Variants in RNF213 observed in about 807,000 individuals in gnomAD.
RNF213 encodes E3 ubiquitin-protein ligase RNF213.
A neutral mutation model predicts 514.4 loss-of-function variants in RNF213; 341 were observed. The ratio of observed to expected loss-of-function variants is 0.66; its 90% CI spans 0.61 to 0.73. RNF213 has a LOEUF of 0.73. Ranked by LOEUF, RNF213 falls within the 30% of genes least tolerant of loss-of-function variation. The pLI is 0.00. For missense variants in RNF213, 5,767 were observed against 6,615.6 expected (o/e 0.87, Z 4.45); for synonymous variants, 2,655 against 2,658.2 (o/e 1.00, Z 0.04).
In RNF213 at chr17:80,389,427, G is replaced by A. The variant is rs567569231; in HGVS notation, c.15195+60G>A. On this transcript the variant is annotated intron_variant, in intron 65 of 67. Transcript: ENST00000582970. ...CCCTCACCCTGGTCTCCTGCTTCCC[G>A]CGAGGGATAGGAGCATTCAGGGAGT... is the stretch of plus-strand genomic sequence containing the variant. 531 of 1,483,284 alleles carry A rather than the reference G, an allele frequency of 3.6e-4. 9 individuals are homozygous for A. The South Asian group carries it at 5.5e-3, about 15-fold the overall frequency. The allele number at this position is 1,483,284 out of a possible 1,614,324, so 91.9% of individuals were successfully genotyped here. A position where few individuals can be genotyped will look rare whatever the true frequency, so the allele number is the denominator to read the frequency against.
At chr17:80,365,677 GTTC>G (rs971432835) in intron 42 of RNF213, among the ~76,000 whole-genome samples, 3 of 152,322 alleles carry the variant, frequency 2.0e-5, no homozygotes, top group African/African-American at 4.8e-5. Context: ...TGGAACTTGA[GTTC>G]TTCTGCTGAA....
In RNF213 at chr17:80,348,031, G is replaced by A; in HGVS notation, c.9696G>A (p.Gln3232=). The change falls in exon 29 of 68, where the codon CAG becomes CAA. Residue 3232 remains glutamine, a synonymous_variant. Transcript: ENST00000582970. The part of the protein sequence containing the change: ...HSDACASVVL[Q]VIERQGPRAL... The stretch of plus-strand genomic sequence containing the variant: ...ACGCCTGCGCGTCTGTGGTGCTGCA[G>A]GTCATAGAGAGGCAGGGTCCCCGGG... 3 of 1,614,222 alleles carry A rather than the reference G, an allele frequency of 1.9e-6. No individual in the cohort carries two copies. The highest frequency in any genetic ancestry group is 2.5e-6 in the Non-Finnish European group (3 of 1,180,048).
rs1209889617 is a variant in RNF213 at position 80,393,576 on chromosome 17, T to C, written c.*78T>C. ...CTCGTCTGCGGCGTGGACTTGATCATGGACTGGTGCCTTTGCATTCAGAAG... is the reference window on the plus strand; with the variant it reads ...CTCGTCTGCGGCGTGGACTTGATCACGGACTGGTGCCTTTGCATTCAGAAG... On this transcript the variant is annotated 3_prime_UTR_variant, in exon 68 of 68. Coordinates refer to ENST00000582970, the MANE Select transcript of RNF213 (RefSeq NM_001256071.3). 4.7e-6 allele frequency: 7 copies of C among 1,487,690 alleles called. No homozygotes were observed. The highest frequency in any genetic ancestry group is 6.5e-6 in the Non-Finnish European group (7 of 1,075,148). 92.2% of individuals were successfully genotyped at this position (1,487,690 alleles called of 1,614,324 possible).
chr17:80,307,214 C>T lies in RNF213; in HGVS notation c.2501+13C>T, dbSNP rs1214679394. ...CTTACCGGGACAAGTAAGTGGAAAG[C>T]ACGATGCAGTCTCTCCCTCACATGC... On this transcript the variant is annotated intron_variant, in intron 13 of 67. Transcript: ENST00000582970. The T allele has an allele frequency of 6.2e-7, 1 of 1,613,352 alleles. No homozygotes were observed. Among genetic ancestry groups the T allele is most frequent in the South Asian group, 1.1e-5 (1 of 91,054 alleles).
At chr17:80,301,977 G>A (rs1358489453) in intron 11 of RNF213, among the ~76,000 whole-genome samples, 2 of 152,176 alleles carry the variant, frequency 1.3e-5, no homozygotes, top group Non-Finnish European at 2.9e-5. Flanking sequence ...TCTGTCTTTC[G>A]CAGCAACATG....
chr17:80,378,884 A>G (rs2079868339), intron 54 of RNF213, among the ~76,000 whole-genome samples: 1 of 152,202 alleles, frequency 6.6e-6, no homozygotes, highest in Non-Finnish European at 1.5e-5. Flanking sequence ...TTTAAATAAA[A>G]AAGTCCAAGC....
chr17:80,305,473 C>T (rs573040638), intron 11 of RNF213, among the ~76,000 whole-genome samples: 5 of 151,980 alleles, frequency 3.3e-5, no homozygotes, highest in South Asian at 2.1e-4. Context: ...CCACTGCGCC[C>T]GGCCTGATTT....
At chr17:80,358,214 A>G (rs1483964071) in intron 36 of RNF213, 74 bp from the exon 37 acceptor site, 64 of 1,346,588 alleles carry the variant, frequency 4.8e-5, no homozygotes, top group Non-Finnish European at 6.5e-5. Context: ...AGAAGGAACA[A>G]AATGTCAAAA....
chr17:80,269,773 T>G (rs2043757676), intron 2 of RNF213, among the ~76,000 whole-genome samples: 1 of 152,270 alleles, frequency 6.6e-6, no homozygotes. Flanking sequence ...CGTCCATCCA[T>G]CCATGTATCT....
intron 14 of RNF213, among the ~76,000 whole-genome samples, chr17:80,310,757 G>A (rs1442982371): frequency 1.3e-5 from 2 of 152,024 alleles, no homozygotes; most frequent in African/African-American, 4.8e-5. Flanking sequence ...TCTACATGTT[G>A]GTCAGGCTGG....
chr17:80,308,986 G>C (rs748858146), intron 13 of RNF213, 32 bp from the exon 14 acceptor site: 2 of 1,613,006 alleles, frequency 1.2e-6, no homozygotes, highest in South Asian at 1.1e-5. Flanking sequence ...CTAAATCCTT[G>C]CCGGGATTTC....
chr17:80,384,729 C>T (rs141041163), intron 59 of RNF213: 130 of 414,944 alleles, frequency 3.1e-4, no homozygotes, highest in African/African-American at 2.3e-3. Flanking sequence ...AGCTTCTCTC[C>T]GTACCCAGCC....
chr17:80,377,740 G>A lies in RNF213; in HGVS notation c.13511-22G>A, dbSNP rs1385581720. The A allele has an allele frequency of 6.2e-7, 1 of 1,613,988 alleles. No homozygotes were observed. The highest frequency in any genetic ancestry group is 1.3e-5 in the African/African-American group (1 of 74,918). ...ATTGGGTGAAACCTCATTAGCCAAT[G>A]TGTGTCCTGTTCTCTTCACAGCTTG... On this transcript the variant is annotated intron_variant, in intron 53 of 67. Transcript: ENST00000582970. The surrounding 1 kb of genome is among the most constrained non-coding windows in gnomAD (Gnocchi z 4.1).
chr17:80,351,546 G>C (rs529778499), intron 31 of RNF213, 139 bp from the exon 32 acceptor site: 3 of 615,522 alleles, frequency 4.9e-6, no homozygotes, highest in South Asian at 3.8e-5. Context: ...AAAACTCATC[G>C]GAACGGGTGG....
chr17:80,263,841 C>A lies in RNF213; in HGVS notation c.97+63C>A. Reference sequence around the variant, plus strand: ...GGGACCCCTGGAGATGTCTCACCTCCCTTCCAGGAAATGGAAACCCTGGGC... The same window carrying A: ...GGGACCCCTGGAGATGTCTCACCTCACTTCCAGGAAATGGAAACCCTGGGC... On this transcript the variant is annotated intron_variant, in intron 2 of 67. Transcript: ENST00000582970. This position sits in a 1 kb window ranked among gnomAD's most constrained non-coding sequence, Gnocchi z 4.9. 1 of 1,412,068 alleles carries A rather than the reference C, an allele frequency of 7.1e-7. No homozygotes were observed. Among genetic ancestry groups the A allele is most frequent in the South Asian group, 1.2e-5 (1 of 86,712 alleles). 87.5% of individuals were successfully genotyped at this position (1,412,068 alleles called of 1,614,324 possible). A position where few individuals can be genotyped will look rare whatever the true frequency, so the allele number is the denominator to read the frequency against.
rs941086860 is a variant in RNF213, at chr17:80,290,416, TGTGTGCGA to T, written c.1113-146_1113-139del. Among the ~76,000 whole-genome samples, 27 of 149,110 alleles carry T rather than the reference TGTGTGCGA, an allele frequency of 1.8e-4. No individual in the cohort carries two copies. In the South Asian group the frequency reaches 3.0e-3, roughly 17 times the overall value. On this transcript the variant is annotated intron_variant, in intron 6 of 67. Transcript: ENST00000582970. The stretch of plus-strand genomic sequence containing the variant: ...GTGTACGTGTGCTTGTGTGTGTGCG[TGTGTGCGA>T]GTGTGCGCGTGTGTGCATGTGTGTG...
At chr17:80,362,683 C>G (rs928122986) in intron 39 of RNF213, among the ~76,000 whole-genome samples, 3 of 152,256 alleles carry the variant, frequency 2.0e-5, no homozygotes, top group African/African-American at 7.2e-5. Context: ...ACTGCTGACT[C>G]TGTCCTGAGG....
chr17:80,361,711 G>A (rs761165224), intron 38 of RNF213, 23 bp from the exon 39 acceptor site: 30 of 1,610,542 alleles, frequency 1.9e-5, no homozygotes, highest in Middle Eastern at 1.8e-4. Flanking sequence ...ACTCCAGGCC[G>A]CTCCTTGGTT....
At chr17:80,299,968 G>A (rs2045114410) in intron 11 of RNF213, among the ~76,000 whole-genome samples, 1 of 152,174 alleles carries the variant, frequency 6.6e-6, no homozygotes, top group African/African-American at 2.4e-5. Context: ...TACTGTTGAT[G>A]GGCATTGAGT....
Sources: gnomAD v4.1 joint callset for allele counts (sites outside exome capture counted in the v4.1 genomes callset) on GRCh38, gnomAD v4.1.1 for gene constraint, Gnocchi (gnomAD v3.1) non-coding constraint, MANE v1.5 for transcripts, NCBI Gene and HGNC (gene_info 2026-07-23, HGNC 2026-07-21) for gene names.